The following MMS19 variants were observed in gnomAD, a reference collection of about 807,000 sequenced individuals.
The protein encoded by MMS19 is MMS19 cytosolic iron-sulfur assembly component.
MMS19 carries 77 observed loss-of-function variants against 129.8 expected under a neutral mutation model. The ratio of observed to expected loss-of-function variants is 0.59; its 90% confidence interval spans 0.49 to 0.72. MMS19 has a LOEUF of 0.72. Ranked by LOEUF, MMS19 falls within the 30% of genes least tolerant of loss-of-function variation. The pLI is 0.00. For synonymous variants in MMS19, 491 were observed against 502.8 expected (o/e 0.98, Z 0.31); for missense variants, 1,168 against 1,266.3 (o/e 0.92, Z 1.18).
chr10:97,462,670 G>C lies in MMS19; in HGVS notation c.1925C>G (p.Ser642Ter). 4 of 1,613,624 alleles carry C rather than the reference G, an allele frequency of 2.5e-6. No individual in the cohort carries two copies. Among genetic ancestry groups the C allele is most frequent in the Non-Finnish European group, 3.4e-6 (4 of 1,179,610 alleles). ...VQASMPEKEP[S>*]VLRKVLLEDE... ...CTCCAATAGTACTTTTCTCAGAACT[G>C]AGGGCTCCTTCTCTGCAAAACACAC... The change falls in exon 20 of 31, where the codon TCA (serine) becomes TGA (stop). Residue 642 changes from serine to a stop codon, truncating the protein, a stop_gained. Transcript: ENST00000438925. LOFTEE classifies it high-confidence loss of function.
chr10:97,462,027 T>C lies in MMS19; in HGVS notation c.2105A>G (p.Gln702Arg), dbSNP rs1000088355. 1.9e-6 allele frequency: 3 copies of C among 1,590,420 alleles called. No individual in the cohort carries two copies. The highest frequency in any genetic ancestry group is 1.7e-6 in the Non-Finnish European group (2 of 1,168,202). Residue 702 changes from glutamine to arginine, a missense_variant, in exon 21 of 31, where the codon CAG becomes CGG. Around this residue, in one of 3 missense-constraint regions of MMS19, gnomAD observed 831 missense variants for 910.8 expected, o/e 0.91. Coordinates refer to ENST00000438925, the MANE Select transcript of MMS19 (RefSeq NM_022362.5). ...LPENSFPSRF[Q>R]PFQDGSSGQR... Reference sequence around the variant, plus strand: ...TTCTAAGACTGTTACCTGGAATGGCTGGAATCTGCTCGGGAAGCTGTTTTC... The same window carrying C: ...TTCTAAGACTGTTACCTGGAATGGCCGGAATCTGCTCGGGAAGCTGTTTTC...
chr10:97,463,905 G>C lies in MMS19; in HGVS notation c.1865C>G (p.Thr622Arg), dbSNP rs746578414. The change falls in exon 19 of 31, where the codon ACA (threonine) becomes AGA (arginine). Residue 622 changes from threonine (T) to arginine (R), a missense_variant. Physicochemically the swap from Thr to Arg is moderately conservative, Grantham distance 71 (BLOSUM62 -1). Transcript: ENST00000438925. ...CAAGGCAAGCAGGCAAGGTATAGCT[G>C]TCTGGTGGAAATACCAGCAACTCTC... ...DPESCWYFHQ[T>R]AIPCLLALAV... is the part of the protein sequence containing the mutation. The C allele has an allele frequency of 3.7e-6, 6 of 1,612,654 alleles. No individual in the cohort carries two copies. The highest frequency in any genetic ancestry group is 5.1e-6 in the Non-Finnish European group (6 of 1,179,296).
chr10:97,482,767 CAT>C lies in MMS19; in HGVS notation c.161+1334_161+1335del, dbSNP rs1174957595. Among the ~76,000 whole-genome samples, 371 of 136,488 alleles carry C rather than the reference CAT, an allele frequency of 2.7e-3. No individual in the cohort carries two copies. In the Middle Eastern group the frequency reaches 0.057, roughly 21 times the overall value. 89.5% of individuals were successfully genotyped at this position (136,488 alleles called of 152,430 possible). A position where few individuals can be genotyped will look rare whatever the true frequency, so the allele number is the denominator to read the frequency against. On this transcript the variant is annotated intron_variant, in intron 2 of 30. Transcript: ENST00000438925. ...ACACACACACACACACACACACACA[CAT>C]ATATTTTTTGAGATGGACTCTCACT...
intron 8 of MMS19, among the ~76,000 whole-genome samples, chr10:97,472,071 C>T (rs1188561556): frequency 6.6e-6 from 1 of 152,138 alleles, no homozygotes; most frequent in African/African-American, 2.4e-5. Context: ...AAGTACCCAA[C>T]ACAGTACATG....
In MMS19 at chr10:97,463,857, C is replaced by T; in HGVS notation, c.1912+1G>A. On this transcript the variant is annotated splice_donor_variant, in intron 19 of 30. Coordinates refer to ENST00000438925, the MANE Select transcript of MMS19 (RefSeq NM_022362.5). LOFTEE classifies it high-confidence loss of function. Reference sequence around the variant, plus strand: ...GCCAGGAAGGAGAGGTGGAAAGTTACCTGGCATAGAGGCCTGCACAGCCAA... The same window carrying T: ...GCCAGGAAGGAGAGGTGGAAAGTTATCTGGCATAGAGGCCTGCACAGCCAA... The T allele has an allele frequency of 6.2e-7, 1 of 1,609,070 alleles. No homozygotes were observed. Among genetic ancestry groups the T allele is most frequent in the Non-Finnish European group, 8.5e-7 (1 of 1,177,804 alleles).
intron 20 of MMS19, 124 bp from the exon 21 acceptor site, chr10:97,462,243 T>A (rs2032187390): frequency 1.5e-6 from 1 of 683,668 alleles, no homozygotes. Flanking sequence ...CATGCCCTGA[T>A]CATTCATGCA....
intron 1 of MMS19, among the ~76,000 whole-genome samples, chr10:97,492,919 A>C (rs1477571359): frequency 1.3e-5 from 2 of 152,062 alleles, no homozygotes; most frequent in African/African-American, 2.4e-5. Flanking sequence ...TGAATATTAT[A>C]AATAGGGTAC....
intron 1 of MMS19, among the ~76,000 whole-genome samples, chr10:97,484,637 G>A (rs2037488403): frequency 6.6e-6 from 1 of 152,116 alleles, no homozygotes; most frequent in Non-Finnish European, 1.5e-5. Context: ...CTTTTGTTTT[G>A]GCCGGGTGTG....
chr10:97,464,946 C>T (rs1430935326), intron 18 of MMS19, among the ~76,000 whole-genome samples: 1 of 152,096 alleles, frequency 6.6e-6, no homozygotes, highest in African/African-American at 2.4e-5. Context: ...TCAAGTGATC[C>T]ATCAGCCTTG....
chr10:97,491,006 G>C (rs1323360181), intron 1 of MMS19, among the ~76,000 whole-genome samples: 2 of 152,158 alleles, frequency 1.3e-5, no homozygotes, highest in African/African-American at 2.4e-5. Flanking sequence ...ACACTTACAT[G>C]AACTGAAACA....
intron 1 of MMS19, 133 bp downstream of exon 1, chr10:97,498,140 G>T: frequency 1.3e-6 from 1 of 764,064 alleles, no homozygotes; most frequent in South Asian, 1.8e-5. Flanking sequence ...TGAACCTCGC[G>T]GTGCTCACTA....
intron 1 of MMS19, among the ~76,000 whole-genome samples, chr10:97,492,193 G>A (rs1279921279): frequency 2.7e-5 from 4 of 150,266 alleles, no homozygotes; most frequent in South Asian, 4.2e-4. Flanking sequence ...AAATGAGGCC[G>A]GGCGCGGTGG....
chr10:97,484,168 A>T lies in MMS19; in HGVS notation c.113-17T>A. ...ATTTCACATCTGCAGGAAATAAAAT[A>T]AATAAATATGAAAAATAAAAAAAAA... is the stretch of plus-strand genomic sequence containing the variant. On this transcript the variant is annotated splice_polypyrimidine_tract_variant and intron_variant, in intron 1 of 30. Coordinates refer to ENST00000438925, the MANE Select transcript of MMS19 (RefSeq NM_022362.5). 1 of 1,458,336 alleles carries T rather than the reference A, an allele frequency of 6.9e-7. No individual in the cohort carries two copies. Among genetic ancestry groups the T allele is most frequent in the South Asian group, 1.3e-5 (1 of 74,230 alleles). The allele number at this position is 1,458,336 out of a possible 1,614,324, so 90.3% of individuals were successfully genotyped here.
rs368172932 is a variant in MMS19, at chr10:97,487,405, G to A, written c.113-3254C>T. On this transcript the variant is annotated intron_variant, in intron 1 of 30. Transcript: ENST00000438925. ...GCGATCTCGGCTCACTGCAAGCTCC[G>A]CCTCCCGGGTTCATGCCATTCTCCT... 2.0e-4 allele frequency among the ~76,000 whole-genome samples: 29 copies of A among 146,482 alleles called. No homozygotes were observed. In the South Asian group the frequency reaches 6.0e-3, roughly 30 times the overall value.
chr10:97,470,058 G>A (rs919215365), intron 10 of MMS19, 71 bp downstream of exon 10: 62 of 1,080,334 alleles, frequency 5.7e-5, no homozygotes, highest in Middle Eastern at 1.9e-4. Context: ...GGCTATCCTA[G>A]AATCTATATC....
In MMS19 at chr10:97,461,825, T is replaced by C. The variant is rs1359475133; in HGVS notation, c.2184+3A>G. On this transcript the variant is annotated splice_donor_region_variant and intron_variant, in intron 22 of 30. Transcript: ENST00000438925. ...ACAGTACTTCCCAAATGTGCTCACTTACATTTCGAGGCAGGGAGCAGACAA... is the reference window on the plus strand; with the variant it reads ...ACAGTACTTCCCAAATGTGCTCACTCACATTTCGAGGCAGGGAGCAGACAA... 1.9e-6 allele frequency: 3 copies of C among 1,607,464 alleles called. No homozygotes were observed. Among genetic ancestry groups the C allele is most frequent in the African/African-American group, 2.7e-5 (2 of 74,822 alleles).
At chr10:97,475,310 G>A (rs2035536893) in intron 8 of MMS19, among the ~76,000 whole-genome samples, 1 of 152,092 alleles carries the variant, frequency 6.6e-6, no homozygotes, top group South Asian at 2.1e-4. Flanking sequence ...AAAAAGCTCT[G>A]TAAAGATACA....
At chr10:97,480,532 G>A (rs1332556566) in intron 3 of MMS19, among the ~76,000 whole-genome samples, 1 of 151,982 alleles carries the variant, frequency 6.6e-6, no homozygotes, top group South Asian at 2.1e-4. Context: ...TTCATTTTAC[G>A]GAGTGGGAAA....
chr10:97,498,619 T>G, upstream of MMS19: 1 of 525,488 alleles, frequency 1.9e-6, no homozygotes. Context: ...TGAGGGCGAA[T>G]AATTCCCAGC....
Sources: allele counts gnomAD v4.1 joint callset (sites outside exome capture counted in the v4.1 genomes callset), GRCh38; gene constraint gnomAD v4.1.1; regional missense constraint gnomAD v4.1.1; transcripts MANE v1.5; gene names NCBI Gene and HGNC (gene_info 2026-07-23, HGNC 2026-07-21).